SCUBE2: variants seen among roughly 807,000 people sequenced by gnomAD.
SCUBE2 encodes signal peptide, CUB and EGF-like domain-containing protein 2.
In SCUBE2, 114 loss-of-function variants were observed where a neutral mutation model predicts 125.9. That is an observed-to-expected ratio of 0.91 (90% CI 0.78 to 1.06). The LOEUF (loss-of-function observed/expected upper bound fraction) is 1.06. Among genes scored for constraint, SCUBE2 ranks in the 50% least tolerant of loss-of-function variants. The pLI is 0.00. For synonymous variants in SCUBE2, 459 were observed against 492.9 expected (o/e 0.93, Z 0.91); for missense variants, 1,255 against 1,301.8 (o/e 0.96, Z 0.55).
At chr11:9,080,600 G>A (rs1235710545) in intron 2 of SCUBE2, among the ~76,000 whole-genome samples, 2 of 150,114 alleles carry the variant, frequency 1.3e-5, no homozygotes, top group Non-Finnish European at 2.9e-5. Flanking sequence ...AGTGAGCCAA[G>A]ATGACACCAC....
intron 7 of SCUBE2, among the ~76,000 whole-genome samples, chr11:9,061,510 G>A (rs1859681154): frequency 6.7e-6 from 1 of 149,956 alleles, no homozygotes; most frequent in South Asian, 2.1e-4. Context: ...AGTGAGCCAT[G>A]TTTGTGCCAC....
intron 7 of SCUBE2, among the ~76,000 whole-genome samples, chr11:9,061,837 G>C (rs1293923454): frequency 1.3e-5 from 2 of 152,280 alleles, no homozygotes; most frequent in Admixed American, 6.5e-5. Flanking sequence ...GTCTGCAGAG[G>C]GGGTGCCAAC....
chr11:9,058,595 C>CAAAAAAAAAAAAAAAA (rs61409328), intron 9 of SCUBE2, among the ~76,000 whole-genome samples: 2 of 44,314 alleles, frequency 4.5e-5, no homozygotes, highest in African/African-American at 1.7e-4. Context: ...GACTCTGTCT[C>CAAAAAAAAAAAAAAAA]AAAAAAAAAA....
intron 16 of SCUBE2, among the ~76,000 whole-genome samples, chr11:9,046,271 G>A (rs1456646388): frequency 4.6e-5 from 7 of 152,046 alleles, no homozygotes; most frequent in Non-Finnish European, 8.8e-5. Context: ...GCCTCCCAAA[G>A]TGCTGGGATT....
intron 3 of SCUBE2, among the ~76,000 whole-genome samples, chr11:9,076,396 G>A (rs1002880295): frequency 2.0e-5 from 3 of 152,054 alleles, no homozygotes; most frequent in Admixed American, 6.6e-5. Flanking sequence ...TTACTGACTT[G>A]CAGCCTCAAA....
Position 9,091,566 on chromosome 11 carries a change from CG to C in SCUBE2, c.-39del. ...GGTTGCGGGCAGAGGCGGCGGAGTG[CG>C]GGCGGTGGCGGCGGCGGCGCGGGGA... is the stretch of plus-strand genomic sequence containing the variant. On this transcript the variant is annotated 5_prime_UTR_variant, in exon 1 of 23. Coordinates refer to ENST00000649792, the MANE Select transcript of SCUBE2 (RefSeq NM_001367977.2). This position sits in a 1 kb window ranked among gnomAD's most constrained non-coding sequence, Gnocchi z 8.5. 2.2e-6 allele frequency: 1 copy of C among 453,200 alleles called. No homozygotes were observed. The highest frequency in any genetic ancestry group is 3.3e-6 in the Non-Finnish European group (1 of 301,544). The allele number at this position is 453,200 out of a possible 1,614,324, so 28.1% of individuals were successfully genotyped here.
At chr11:9,044,694 C>T (rs1423058256) in intron 16 of SCUBE2, among the ~76,000 whole-genome samples, 1 of 152,184 alleles carries the variant, frequency 6.6e-6, no homozygotes, top group Non-Finnish European at 1.5e-5. Context: ...TCCCTGGTTT[C>T]GAGTTCCCTC....
intron 22 of SCUBE2, among the ~76,000 whole-genome samples, chr11:9,021,617 G>T (rs971507870): frequency 1.3e-5 from 2 of 152,170 alleles, no homozygotes; most frequent in Admixed American, 6.5e-5. Context: ...ATTTGCTGTT[G>T]GTTTGGATTT....
At chr11:9,053,864 C>T in intron 10 of SCUBE2, 105 bp from the exon 11 acceptor site, 1 of 1,406,434 alleles carries the variant, frequency 7.1e-7, no homozygotes, top group Non-Finnish European at 9.7e-7. Context: ...GGTTGAAACT[C>T]ACTAACCAAA....
chr11:9,074,641 T>C, intron 3 of SCUBE2, 26 bp from the exon 4 acceptor site: 2 of 1,613,734 alleles, frequency 1.2e-6, no homozygotes, highest in Non-Finnish European at 1.7e-6. Flanking sequence ...GATTAGCCTT[T>C]GCTTTGGTGA....
chr11:9,032,324 A>G (rs1346367187), intron 17 of SCUBE2, among the ~76,000 whole-genome samples: 2 of 151,964 alleles, frequency 1.3e-5, no homozygotes, highest in Admixed American at 6.6e-5. Context: ...AGGTCTCACT[A>G]TGTTGCCCAG....
At position 9,027,529 on chromosome 11, in the gene SCUBE2, T is replaced by C. The variant is rs775264308; in HGVS notation, c.2536A>G (p.Thr846Ala). ...TAGTTTGGGGATTCAATGTACCCAG[T>C]GAAATCTCCCAGCTCCCCTCCACAT... ...RRCGGELGDF[T>A]GYIESPNYPG... The change falls in exon 20 of 23, where the codon ACT becomes GCT. Residue 846 changes from threonine (T) to alanine (A), a missense_variant. Thr to Ala is a moderately conservative substitution (Grantham distance 58). Transcript: ENST00000649792. The C allele has an allele frequency of 1.9e-6, 3 of 1,613,808 alleles. No homozygotes were observed. Among genetic ancestry groups the C allele is most frequent in the African/African-American group, 1.3e-5 (1 of 74,856 alleles).
In SCUBE2 at chr11:9,074,643, C is replaced by T. The variant is rs762552482; in HGVS notation, c.383-28G>A. On this transcript the variant is annotated intron_variant, in intron 3 of 22. Coordinates refer to ENST00000649792, the MANE Select transcript of SCUBE2 (RefSeq NM_001367977.2). Reference sequence around the variant, plus strand: ...GGAAGGAGAGAGGGATTAGCCTTTGCTTTGGTGACTGTTTCAATGCCCCAC... The same window carrying T: ...GGAAGGAGAGAGGGATTAGCCTTTGTTTTGGTGACTGTTTCAATGCCCCAC... The T allele has an allele frequency of 6.2e-6, 10 of 1,613,236 alleles. No individual in the cohort carries two copies. In the East Asian group the frequency reaches 1.6e-4, roughly 25 times the overall value.
rs1166605872 is a variant in SCUBE2 at position 9,085,837 on chromosome 11, T to C, written c.256+3870A>G. Among the ~76,000 whole-genome samples the C allele has an allele frequency of 3.2e-4, 49 of 151,600 alleles. No homozygotes were observed. In the South Asian group the frequency reaches 7.6e-3, roughly 23 times the overall value. Reference sequence around the variant, plus strand: ...TATTCAATCTCTTTAGTTTTTTTTTTTTTTTTTTTTTAAGACAGAGTGTCT... The same window carrying C: ...TATTCAATCTCTTTAGTTTTTTTTTCTTTTTTTTTTTAAGACAGAGTGTCT... On this transcript the variant is annotated intron_variant, in intron 2 of 22. Coordinates refer to ENST00000649792, the MANE Select transcript of SCUBE2 (RefSeq NM_001367977.2).
Position 9,091,469 on chromosome 11 carries a change from CA to C in SCUBE2, c.59del (p.Leu20ArgfsTer27). On this transcript the variant is annotated frameshift_variant, in exon 1 of 23. Transcript: ENST00000649792. LOFTEE classifies it high-confidence loss of function. This position sits in a 1 kb window ranked among gnomAD's most constrained non-coding sequence, Gnocchi z 8.5. ...CCAGCAGCAGCAGTGGCGGCAGCAG[CA>C]GCAGCAGCAGCAGCACCGCCCAGGC... ...GAAWAVLLLL[L>X]LLPPLLLLAG... 11 of 1,269,194 alleles carry C rather than the reference CA, an allele frequency of 8.7e-6. No individual in the cohort carries two copies. Among genetic ancestry groups the C allele is most frequent in the Non-Finnish European group, 1.1e-5 (11 of 983,972 alleles). The allele number at this position is 1,269,194 out of a possible 1,614,324, so 78.6% of individuals were successfully genotyped here. A position where few individuals can be genotyped will look rare whatever the true frequency, so the allele number is the denominator to read the frequency against.
At chr11:9,039,077 G>T (rs1856983150) in intron 16 of SCUBE2, among the ~76,000 whole-genome samples, 1 of 151,754 alleles carries the variant, frequency 6.6e-6, no homozygotes, top group Admixed American at 6.6e-5. Flanking sequence ...GTAGAAATAG[G>T]GTCTCCTGGG....
intron 4 of SCUBE2, among the ~76,000 whole-genome samples, chr11:9,070,289 T>C (rs910913456): frequency 5.3e-5 from 8 of 152,160 alleles, no homozygotes; most frequent in Non-Finnish European, 1.0e-4. Flanking sequence ...GAACAGCTGC[T>C]TCTGTTCTTG....
At chr11:9,078,169 A>G (rs1861354160) in intron 3 of SCUBE2, among the ~76,000 whole-genome samples, 1 of 152,222 alleles carries the variant, frequency 6.6e-6, no homozygotes, top group African/African-American at 2.4e-5. Flanking sequence ...CTGAGTTTTT[A>G]ATTAATACTG....
At chr11:9,027,237 T>G in intron 20 of SCUBE2, 127 bp downstream of exon 20, 1 of 863,946 alleles carries the variant, frequency 1.2e-6, no homozygotes, top group Non-Finnish European at 1.8e-6. Context: ...CTCTATAAAC[T>G]CATGTTCACC....
Sources: gnomAD v4.1 joint callset for allele counts (sites outside exome capture counted in the v4.1 genomes callset) on GRCh38, gnomAD v4.1.1 for gene constraint, Gnocchi (gnomAD v3.1) non-coding constraint, MANE v1.5 for transcripts, NCBI Gene and HGNC (gene_info 2026-07-23, HGNC 2026-07-21) for gene names.